BRINP3: variants seen among roughly 807,000 people sequenced by gnomAD.
BRINP3 encodes BMP/retinoic acid inducible neural specific 3.
Under a neutral mutation model 71.0 loss-of-function variants are expected in BRINP3, and 19 were observed. The observed-to-expected ratio is 0.27, with a 90% confidence interval of 0.19 to 0.39. The LOEUF (loss-of-function observed/expected upper bound fraction) is 0.39, where lower values mean the gene tolerates loss of function less well. Among genes scored for constraint, BRINP3 ranks in the 10% least tolerant of loss-of-function variants. BRINP3 has a pLI of 1.00. For missense variants in BRINP3, 959 were observed against 940.8 expected (o/e 1.02, Z -0.25); for synonymous variants, 380 against 337.7 (o/e 1.13, Z -1.37).
chr1:190,338,834 A>C (rs1667461539), intron 2 of BRINP3, among the ~76,000 whole-genome samples: 1 of 151,994 alleles, frequency 6.6e-6, no homozygotes, highest in East Asian at 1.9e-4. Context: ...AAAAACTATC[A>C]TATAGGACCT....
chr1:190,421,787 T>C (rs1311018796), intron 2 of BRINP3, among the ~76,000 whole-genome samples: 1 of 151,850 alleles, frequency 6.6e-6, no homozygotes, highest in African/African-American at 2.4e-5. Context: ...AGCTATAGTT[T>C]TTGAGAAAAT....
chr1:190,386,212 C>A (rs1670890057), intron 2 of BRINP3, among the ~76,000 whole-genome samples: 1 of 145,778 alleles, frequency 6.9e-6, no homozygotes, highest in Non-Finnish European at 1.5e-5. Context: ...CACATGTACC[C>A]TAAAACTTAA....
intron 4 of BRINP3, among the ~76,000 whole-genome samples, chr1:190,251,663 T>G (rs1358062767): frequency 6.6e-6 from 1 of 152,034 alleles, no homozygotes; most frequent in Non-Finnish European, 1.5e-5. Flanking sequence ...AGGAAAAGCA[T>G]GTATATCTAA....
In BRINP3 at chr1:190,218,221, G is replaced by A. The variant is rs980025102; in HGVS notation, c.961+7861C>T. Among the ~76,000 whole-genome samples, 6 of 151,672 alleles carry A rather than the reference G, an allele frequency of 4.0e-5. No individual in the cohort carries two copies. The East Asian group carries it at 7.7e-4, about 20-fold the overall frequency. ...TCACATCAGCCCTTGCTTAGGCAAAGGCATCATTGCCCTGATTCATAATAG... is the reference window on the plus strand; with the variant it reads ...TCACATCAGCCCTTGCTTAGGCAAAAGCATCATTGCCCTGATTCATAATAG... On this transcript the variant is annotated intron_variant, in intron 6 of 7. Coordinates refer to ENST00000367462, the MANE Select transcript of BRINP3 (RefSeq NM_199051.3).
chr1:190,202,991 T>A (rs941851784), intron 6 of BRINP3, among the ~76,000 whole-genome samples: 1 of 152,050 alleles, frequency 6.6e-6, no homozygotes, highest in African/African-American at 2.4e-5. Flanking sequence ...TTGAGCTCCA[T>A]TTAGGTTATT....
intron 7 of BRINP3, among the ~76,000 whole-genome samples, chr1:190,110,908 A>C (rs1036759940): frequency 1.3e-5 from 2 of 152,158 alleles, no homozygotes; most frequent in African/African-American, 4.8e-5. Flanking sequence ...CTGTCAAAAA[A>C]CTATCATGAA....
chr1:190,193,222 G>A (rs1654197979), intron 6 of BRINP3, among the ~76,000 whole-genome samples: 1 of 151,922 alleles, frequency 6.6e-6, no homozygotes, highest in South Asian at 2.1e-4. Context: ...GAAATGAGGA[G>A]GTGTTTGTGA....
intron 2 of BRINP3, among the ~76,000 whole-genome samples, chr1:190,413,275 G>A (rs1013200721): frequency 6.6e-6 from 1 of 151,972 alleles, no homozygotes; most frequent in Admixed American, 6.6e-5. Flanking sequence ...AACTATCCTA[G>A]GGGACTGATA....
chr1:190,412,397 A>AT (rs770924751), intron 2 of BRINP3, among the ~76,000 whole-genome samples: 2 of 51,822 alleles, frequency 3.9e-5, no homozygotes, highest in African/African-American at 2.1e-4. Flanking sequence ...TATATATATT[A>AT]TATATATATA....
In BRINP3 at chr1:190,325,625, G is replaced by T. The variant is rs548750701; in HGVS notation, c.237-43875C>A. On this transcript the variant is annotated intron_variant, in intron 2 of 7. Transcript: ENST00000367462. ...CAGAAAGCCTGGACCACTCGATAAG[G>T]TTGTCTTGAGTTACTTGACAATATT... 2.0e-5 allele frequency among the ~76,000 whole-genome samples: 3 copies of T among 152,142 alleles called. No individual in the cohort carries two copies. In the South Asian group the frequency reaches 6.2e-4, roughly 32 times the overall value.
At chr1:190,441,772 T>C (rs1180234490) in intron 2 of BRINP3, among the ~76,000 whole-genome samples, 4 of 152,124 alleles carry the variant, frequency 2.6e-5, no homozygotes, top group African/African-American at 9.7e-5. Flanking sequence ...AATCTAGTTC[T>C]CCCTAATAGT....
intron 2 of BRINP3, among the ~76,000 whole-genome samples, chr1:190,313,280 A>G (rs1459221086): frequency 6.6e-6 from 1 of 151,946 alleles, no homozygotes; most frequent in Non-Finnish European, 1.5e-5. Context: ...AAATTTGGTA[A>G]TGCCTTTTTT....
At chr1:190,347,527 T>G (rs1668103756) in intron 2 of BRINP3, among the ~76,000 whole-genome samples, 1 of 152,182 alleles carries the variant, frequency 6.6e-6, no homozygotes, top group Non-Finnish European at 1.5e-5. Context: ...GACTAATCTG[T>G]TTCTCCAGGA....
At chr1:190,463,036 G>A (rs1353398571) in intron 1 of BRINP3, among the ~76,000 whole-genome samples, 1 of 151,870 alleles carries the variant, frequency 6.6e-6, no homozygotes, top group East Asian at 1.9e-4. Context: ...TCAAAAATTA[G>A]AAAACATTTT....
chr1:190,452,612 A>G (rs1213626832), intron 2 of BRINP3, among the ~76,000 whole-genome samples: 1 of 152,196 alleles, frequency 6.6e-6, no homozygotes, highest in Non-Finnish European at 1.5e-5. Flanking sequence ...TAATCCCAGC[A>G]CTTTAGGAGG....
intron 2 of BRINP3, among the ~76,000 whole-genome samples, chr1:190,453,080 G>C (rs1395613042): frequency 6.6e-6 from 1 of 151,410 alleles, no homozygotes; most frequent in Non-Finnish European, 1.5e-5. Context: ...CCTAAAATCA[G>C]GTAGCTTCAC....
At chr1:190,469,335 G>T (rs948202837) in intron 1 of BRINP3, among the ~76,000 whole-genome samples, 1 of 150,828 alleles carries the variant, frequency 6.6e-6, no homozygotes, top group African/African-American at 2.4e-5. Flanking sequence ...TGAATAATAA[G>T]AAATTCTATT....
At chr1:190,452,386 G>A (rs906617584) in intron 2 of BRINP3, among the ~76,000 whole-genome samples, 1 of 152,144 alleles carries the variant, frequency 6.6e-6, no homozygotes, top group African/African-American at 2.4e-5. Flanking sequence ...AGCCACAAAG[G>A]TAAAGACATA....
intron 4 of BRINP3, among the ~76,000 whole-genome samples, chr1:190,259,601 G>A (rs1392704299): frequency 7.1e-6 from 1 of 141,762 alleles, no homozygotes; most frequent in Non-Finnish European, 1.5e-5. Flanking sequence ...CTCACCACCA[G>A]GAGAATTAGG....
Sources: gnomAD v4.1 joint callset for allele counts (sites outside exome capture counted in the v4.1 genomes callset) on GRCh38, gnomAD v4.1.1 for gene constraint, MANE v1.5 for transcripts, NCBI Gene and HGNC (gene_info 2026-07-23, HGNC 2026-07-21) for gene names.